Variants in CDK14 observed in about 807,000 individuals in gnomAD.
The protein encoded by CDK14 is cyclin-dependent kinase 14.
CDK14 carries 34 observed loss-of-function variants against 60.7 expected under a neutral mutation model. The observed-to-expected ratio is 0.56, with a 90% CI of 0.43 to 0.75. The LOEUF (loss-of-function observed/expected upper bound fraction) is 0.75, where lower values mean the gene tolerates loss of function less well. Among genes scored for constraint, CDK14 ranks in the 30% least tolerant of loss-of-function variants. The probability of loss-of-function intolerance (pLI) is 0.00; values close to 1 mark genes in which losing one functional copy is unlikely to be tolerated. For synonymous variants in CDK14, 197 were observed against 203.7 expected (o/e 0.97, Z 0.28); for missense variants, 482 against 564.1 (o/e 0.85, Z 1.47).
intron 2 of CDK14, among the ~76,000 whole-genome samples, chr7:90,622,981 G>A (rs998368480): frequency 3.7e-5 from 5 of 136,736 alleles, no homozygotes; most frequent in Non-Finnish European, 6.2e-5. Flanking sequence ...CTGGTTTTCC[G>A]TCCTTCTATT....
At chr7:90,855,727 G>C (rs539903603) in intron 5 of CDK14, among the ~76,000 whole-genome samples, 2 of 152,270 alleles carry the variant, frequency 1.3e-5, no homozygotes, top group East Asian at 3.9e-4. Context: ...CAATTGCTGT[G>C]TTAGTAGGTA....
chr7:90,847,211 A>G (rs928527035), intron 5 of CDK14, among the ~76,000 whole-genome samples: 2 of 152,140 alleles, frequency 1.3e-5, no homozygotes, highest in African/African-American at 4.8e-5. Context: ...GAAGGAGTCA[A>G]ATGTTAAAAG....
chr7:91,173,796 G>A (rs1039675107), intron 14 of CDK14, among the ~76,000 whole-genome samples: 42 of 152,302 alleles, frequency 2.8e-4, no homozygotes, highest in Admixed American at 2.4e-3. Flanking sequence ...CACCTGGCTC[G>A]GAGGGTCCTA....
chr7:91,099,721 A>G (rs1169301734), intron 12 of CDK14, among the ~76,000 whole-genome samples: 1 of 152,098 alleles, frequency 6.6e-6, no homozygotes, highest in Non-Finnish European at 1.5e-5. Context: ...GTTGTGAGTT[A>G]CCTAATGTCT....
At chr7:91,071,703 G>A (rs1404671716) in intron 11 of CDK14, among the ~76,000 whole-genome samples, 1 of 152,208 alleles carries the variant, frequency 6.6e-6, no homozygotes, top group Non-Finnish European at 1.5e-5. Flanking sequence ...TAAGCCCTCT[G>A]TGCTCCTTCA....
intron 14 of CDK14, among the ~76,000 whole-genome samples, chr7:91,181,964 C>T (rs1584183054): frequency 6.6e-6 from 1 of 152,024 alleles, no homozygotes; most frequent in Non-Finnish European, 1.5e-5. Context: ...TGTTCCTATA[C>T]CTTTTTAATA....
chr7:91,079,016 A>T (rs1037637117), intron 11 of CDK14, among the ~76,000 whole-genome samples: 1 of 152,224 alleles, frequency 6.6e-6, no homozygotes, highest in African/African-American at 2.4e-5. Flanking sequence ...ATAGGAAAGG[A>T]GACCCAATAT....
At chr7:90,596,838 C>A in intron 1 of CDK14, 120 bp downstream of exon 1, 1 of 826,810 alleles carries the variant, frequency 1.2e-6, no homozygotes, top group Non-Finnish European at 2.0e-6. Flanking sequence ...GCGTTGTAGG[C>A]GGGGATCGAG....
At chr7:90,603,180 A>G (rs1459586616) in intron 1 of CDK14, among the ~76,000 whole-genome samples, 3 of 152,216 alleles carry the variant, frequency 2.0e-5, no homozygotes. Flanking sequence ...TAAATTAGCT[A>G]TTTAATGCAT....
chr7:90,774,965 C>T (rs2116905868), intron 4 of CDK14, among the ~76,000 whole-genome samples: 1 of 152,288 alleles, frequency 6.6e-6, no homozygotes, highest in East Asian at 1.9e-4. Flanking sequence ...TACTTGGGGA[C>T]TCCTCAGAGC....
intron 2 of CDK14, among the ~76,000 whole-genome samples, chr7:90,662,665 A>G (rs1301174404): frequency 6.6e-6 from 1 of 152,244 alleles, no homozygotes; most frequent in African/African-American, 2.4e-5. Context: ...AGTACTTGTA[A>G]CAGTGCTTGG....
intron 6 of CDK14, among the ~76,000 whole-genome samples, chr7:90,878,731 T>C: frequency 6.6e-6 from 1 of 152,236 alleles, no homozygotes; most frequent in East Asian, 1.9e-4. Flanking sequence ...AAGGAAAAAG[T>C]TAGTGTAGTA....
intron 12 of CDK14, among the ~76,000 whole-genome samples, chr7:91,088,823 TC>T (rs1798719326): frequency 6.6e-6 from 1 of 152,148 alleles, no homozygotes; most frequent in Non-Finnish European, 1.5e-5. Flanking sequence ...TTCCCACTCT[TC>T]CTGCAATAGA....
intron 14 of CDK14, among the ~76,000 whole-genome samples, chr7:91,166,954 C>T (rs536027459): frequency 3.3e-5 from 5 of 152,310 alleles, no homozygotes; most frequent in African/African-American, 1.2e-4. Context: ...TCAGTTCTTT[C>T]TCACCTAGGC....
chr7:90,779,240 G>C (rs947256499), intron 4 of CDK14, among the ~76,000 whole-genome samples: 1 of 152,062 alleles, frequency 6.6e-6, no homozygotes, highest in Non-Finnish European at 1.5e-5. Flanking sequence ...GCAACAGGGT[G>C]AGACTCCGTC....
At chr7:90,737,005 G>A (rs1009711361) in intron 3 of CDK14, among the ~76,000 whole-genome samples, 14 of 152,150 alleles carry the variant, frequency 9.2e-5, no homozygotes, top group Non-Finnish European at 1.8e-4. Context: ...ATTTATAGTG[G>A]TATATTTTAA....
chr7:91,196,526 A>C (rs978281882), intron 14 of CDK14, among the ~76,000 whole-genome samples: 2 of 152,206 alleles, frequency 1.3e-5, no homozygotes, highest in African/African-American at 4.8e-5. Flanking sequence ...AGCAGGGGTT[A>C]TTTCTGGCAG....
intron 6 of CDK14, among the ~76,000 whole-genome samples, chr7:90,872,857 A>G (rs1423166258): frequency 6.6e-6 from 1 of 152,152 alleles, no homozygotes; most frequent in Non-Finnish European, 1.5e-5. Context: ...TCCACCATAG[A>G]TCAAACTATT....
At chr7:91,098,259 A>G (rs1200794815) in intron 12 of CDK14, among the ~76,000 whole-genome samples, 2 of 152,236 alleles carry the variant, frequency 1.3e-5, no homozygotes, top group Admixed American at 6.5e-5. Flanking sequence ...TTAATAACCC[A>G]TGACCTCCGA....
Sources: gnomAD v4.1 joint callset for allele counts (sites outside exome capture counted in the v4.1 genomes callset) on GRCh38, gnomAD v4.1.1 for gene constraint, MANE v1.5 for transcripts, NCBI Gene and HGNC (gene_info 2026-07-23, HGNC 2026-07-21) for gene names.